Variants in NAALAD2 observed in about 807,000 individuals in gnomAD.
The protein encoded by NAALAD2 is N-acetylated-alpha-linked acidic dipeptidase 2.
NAALAD2 carries 89 observed loss-of-function variants against 95.6 expected under a neutral mutation model. That is an observed-to-expected ratio of 0.93 (90% CI 0.78 to 1.11). NAALAD2 has a LOEUF of 1.11. Ranked by LOEUF, NAALAD2 falls within the 50% of genes least tolerant of loss-of-function variation. The pLI is 0.00. For synonymous variants in NAALAD2, 264 were observed against 294.4 expected (o/e 0.90, Z 1.06); for missense variants, 894 against 872.4 (o/e 1.02, Z -0.31).
chr11:90,176,978 A>C (rs554855039), intron 15 of NAALAD2, among the ~76,000 whole-genome samples: 9 of 152,300 alleles, frequency 5.9e-5, no homozygotes, highest in Middle Eastern at 3.4e-3. Context: ...TAATTTGCTC[A>C]AAGTTATCTA....
Position 90,163,039 on chromosome 11 carries a change from G to A in NAALAD2, c.1075+5G>A. 2 of 1,529,266 alleles carry A rather than the reference G, an allele frequency of 1.3e-6. No homozygotes were observed. The highest frequency in any genetic ancestry group is 8.9e-7 in the Non-Finnish European group (1 of 1,129,468). The allele number at this position is 1,529,266 out of a possible 1,614,324, so 94.7% of individuals were successfully genotyped here. ...TCAGAGGATCTGTGGAACCTGGTGA[G>A]TCACATAATTTTTTAAAACATTTTG... On this transcript the variant is annotated splice_donor_5th_base_variant and intron_variant, in intron 9 of 18. Coordinates refer to ENST00000534061, the MANE Select transcript of NAALAD2 (RefSeq NM_005467.4).
chr11:90,167,557 A>C (rs895050379), intron 11 of NAALAD2, among the ~76,000 whole-genome samples: 1 of 152,160 alleles, frequency 6.6e-6, no homozygotes, highest in Non-Finnish European at 1.5e-5. Context: ...AGGCAGCTCC[A>C]CCTGTGGCCC....
chr11:90,161,978 T>C (rs180775476), intron 8 of NAALAD2, among the ~76,000 whole-genome samples: 10 of 151,794 alleles, frequency 6.6e-5, no homozygotes, highest in Admixed American at 4.6e-4. Flanking sequence ...TAGTTGAATA[T>C]TGCAAATGGA....
At chr11:90,171,324 A>G (rs898950135) in intron 13 of NAALAD2, among the ~76,000 whole-genome samples, 1 of 151,952 alleles carries the variant, frequency 6.6e-6, no homozygotes, top group African/African-American at 2.4e-5. Flanking sequence ...TCTCTTTTTC[A>G]TGTCTTTAAA....
chr11:90,173,914 A>G lies in NAALAD2; in HGVS notation c.1501A>G (p.Arg501Gly), dbSNP rs1432522895. 5 of 1,607,916 alleles carry G rather than the reference A, an allele frequency of 3.1e-6. No individual in the cohort carries two copies. In the South Asian group the frequency reaches 3.3e-5, roughly 11 times the overall value. Residue 501 changes from arginine (R) to glycine (G), a missense_variant and splice_region_variant, in exon 14 of 19, where the codon AGA becomes GGA. Coordinates refer to ENST00000534061, the MANE Select transcript of NAALAD2 (RefSeq NM_005467.4). ...DPSPENKNLP[R>G]INKLGSGSDF... is the part of the protein sequence containing the mutation. ...TTCACCTGAAAATAAAAATTTGCCTAGGTAAGTTACTGATATGCACCTTTT... is the reference window on the plus strand; with the variant it reads ...TTCACCTGAAAATAAAAATTTGCCTGGGTAAGTTACTGATATGCACCTTTT...
intron 16 of NAALAD2, among the ~76,000 whole-genome samples, chr11:90,178,537 G>A (rs897931343): frequency 6.6e-6 from 1 of 152,100 alleles, no homozygotes; most frequent in African/African-American, 2.4e-5. Flanking sequence ...TGGGCATGGT[G>A]GTGGGCGCCT....
At position 90,173,768 on chromosome 11, in the gene NAALAD2, G is replaced by A. The variant is rs533029775; in HGVS notation, c.1411-56G>A. The A allele has an allele frequency of 2.1e-5, 25 of 1,191,798 alleles. No homozygotes were observed. In the African/African-American group the frequency reaches 3.6e-4, roughly 17 times the overall value. 73.8% of individuals were successfully genotyped at this position (1,191,798 alleles called of 1,614,324 possible). A position where few individuals can be genotyped will look rare whatever the true frequency, so the allele number is the denominator to read the frequency against. On this transcript the variant is annotated intron_variant, in intron 13 of 18. Transcript: ENST00000534061. ...GACAAATAATATATAGTTTTATTTT[G>A]GCATAAATGTAGTTGCTTCTACCCC... is the stretch of plus-strand genomic sequence containing the variant.
chr11:90,177,125 T>C (rs1490407295), intron 15 of NAALAD2, among the ~76,000 whole-genome samples: 1 of 152,086 alleles, frequency 6.6e-6, no homozygotes, highest in Non-Finnish European at 1.5e-5. Flanking sequence ...AAACTAAAAT[T>C]AGAAAAGGCA....
At position 90,163,625 on chromosome 11, in the gene NAALAD2, A is replaced by G; in HGVS notation, c.1278+8A>G. 6.2e-7 allele frequency: 1 copy of G among 1,613,362 alleles called. No individual in the cohort carries two copies. The highest frequency in any genetic ancestry group is 8.5e-7 in the Non-Finnish European group (1 of 1,179,282). ...TCCACAGAATGGGCTGAGGTAAATA[A>G]GACAAAGAAGGTTCTTATTATTTTT... On this transcript the variant is annotated splice_region_variant and intron_variant, in intron 11 of 18. Transcript: ENST00000534061.
rs964473275 is a variant in NAALAD2, at chr11:90,145,738, T to C, written c.195-1592T>C. ...AAGTGGTGATAGAGGGAGATTCAGG[T>C]AGATGGGACAATATTTTTGGTTGAG... On this transcript the variant is annotated intron_variant, in intron 2 of 18. Transcript: ENST00000534061. Among the ~76,000 whole-genome samples the C allele has an allele frequency of 1.1e-4, 16 of 152,198 alleles. No individual in the cohort carries two copies. In the East Asian group the frequency reaches 2.9e-3, roughly 28 times the overall value.
At chr11:90,181,726 TAAAAA>T (rs3832738) in intron 17 of NAALAD2, 25 bp downstream of exon 17, 228,192 of 980,334 alleles carry the variant, frequency 0.23, 17,688 homozygotes, top group Admixed American at 0.42. Context: ...CCTTTTTTTT[TAAAAA>T]AAAAAAAAAA....
chr11:90,175,138 A>G (rs1183170369), intron 14 of NAALAD2, among the ~76,000 whole-genome samples: 1 of 152,208 alleles, frequency 6.6e-6, no homozygotes, highest in African/African-American at 2.4e-5. Flanking sequence ...GGGATACTCA[A>G]CTTGTACAAG....
At position 90,175,413 on chromosome 11, in the gene NAALAD2, A is replaced by C. The variant is rs546938477; in HGVS notation, c.1503-559A>C. 1.8e-3 allele frequency among the ~76,000 whole-genome samples: 269 copies of C among 152,296 alleles called. 2 individuals are homozygous for C. The highest frequency in any genetic ancestry group is 6.0e-3 in the African/African-American group (248 of 41,560). ...TACCATTATTTTACTAAAAATTTTC[A>C]TGTCTTACATTTTATTTATGTATAT... On this transcript the variant is annotated intron_variant, in intron 14 of 18. Transcript: ENST00000534061.
At chr11:90,189,745 G>A (rs558767829) in intron 18 of NAALAD2, among the ~76,000 whole-genome samples, 2 of 151,480 alleles carry the variant, frequency 1.3e-5, no homozygotes, top group East Asian at 3.9e-4. Flanking sequence ...CTCCAGCCTG[G>A]GCCGACAGAA....
chr11:90,156,652 C>T (rs1952126353), intron 6 of NAALAD2, among the ~76,000 whole-genome samples: 2 of 152,072 alleles, frequency 1.3e-5, no homozygotes, highest in African/African-American at 4.8e-5. Flanking sequence ...GTGGTCCAAC[C>T]ATCGCTCACT....
intron 17 of NAALAD2, 77 bp from the exon 18 acceptor site, chr11:90,182,839 C>T: frequency 1.0e-6 from 1 of 988,592 alleles, no homozygotes; most frequent in South Asian, 1.5e-5. Flanking sequence ...TTTCCCAAGC[C>T]TTGTTTTTAT....
rs1952790569 is a variant in NAALAD2, at chr11:90,176,187, A to G, written c.1593+125A>G. On this transcript the variant is annotated intron_variant, in intron 15 of 18. Transcript: ENST00000534061. ...GCCTGGGAAGAGTTCCCAGGGATAG[A>G]GATAGACTGCATGTCCCTTTCCAGA... 4 of 644,070 alleles carry G rather than the reference A, an allele frequency of 6.2e-6. No individual in the cohort carries two copies. In the South Asian group the frequency reaches 7.8e-5, roughly 12 times the overall value. 39.9% of individuals were successfully genotyped at this position (644,070 alleles called of 1,614,324 possible).
chr11:90,158,295 C>T, intron 7 of NAALAD2, 57 bp downstream of exon 7: 1 of 1,305,416 alleles, frequency 7.7e-7, no homozygotes, highest in Non-Finnish European at 1.1e-6. Flanking sequence ...TGTCTATTTT[C>T]TCATTGAAAA....
chr11:90,148,723 C>CA (rs56771080), intron 3 of NAALAD2, among the ~76,000 whole-genome samples: 2 of 151,602 alleles, frequency 1.3e-5, no homozygotes, highest in African/African-American at 2.4e-5. Flanking sequence ...AAGGCATAGT[C>CA]AAAAAAAAGA....
Sources: allele counts gnomAD v4.1 joint callset (sites outside exome capture counted in the v4.1 genomes callset), GRCh38; gene constraint gnomAD v4.1.1; transcripts MANE v1.5; gene names NCBI Gene and HGNC (gene_info 2026-07-23, HGNC 2026-07-21).